Variants in SLCO6A1 observed in about 807,000 individuals in gnomAD.
The protein encoded by SLCO6A1 is solute carrier organic anion transporter family member 6A1.
In SLCO6A1, 65 loss-of-function variants were observed where a neutral mutation model predicts 72.7. That is an observed-to-expected ratio of 0.89 (90% CI 0.73 to 1.10). The LOEUF is 1.10. SLCO6A1 is among the 50% of genes least tolerant of loss of function. The pLI is 0.00. For synonymous variants in SLCO6A1, 314 were observed against 298.2 expected, an observed-to-expected ratio of 1.05 and a Z score of -0.55; for missense variants, 874 against 872.6, an observed-to-expected ratio of 1.00 and a Z score of -0.02.
chr5:102,465,907 C>T (rs1751285377), intron 4 of SLCO6A1, among the ~76,000 whole-genome samples: 1 of 151,996 alleles, frequency 6.6e-6, no homozygotes, highest in African/African-American at 2.4e-5. Flanking sequence ...CAAGTAAATC[C>T]CCTGGATTTC....
intron 4 of SLCO6A1, among the ~76,000 whole-genome samples, chr5:102,474,786 A>C (rs1751810930): frequency 6.6e-6 from 1 of 152,042 alleles, no homozygotes; most frequent in African/African-American, 2.4e-5. Flanking sequence ...AGGTATACAA[A>C]TGGTGAAGAA....
intron 12 of SLCO6A1, among the ~76,000 whole-genome samples, chr5:102,375,117 T>C (rs1745709119): frequency 2.0e-5 from 3 of 152,164 alleles, no homozygotes; most frequent in African/African-American, 2.4e-5. Flanking sequence ...TCATTTGGTC[T>C]AACAGGGCTG....
intron 1 of SLCO6A1, among the ~76,000 whole-genome samples, chr5:102,483,414 G>C (rs1320274964): frequency 6.6e-6 from 1 of 152,080 alleles, no homozygotes; most frequent in Non-Finnish European, 1.5e-5. Context: ...AAATCACAGA[G>C]GCTCACCAAA....
chr5:102,411,021 A>G (rs1432335424), intron 9 of SLCO6A1, among the ~76,000 whole-genome samples: 1 of 152,202 alleles, frequency 6.6e-6, no homozygotes, highest in African/African-American at 2.4e-5. Flanking sequence ...AAAGGATAGT[A>G]TTCGTCAATC....
At chr5:102,424,457 A>G (rs1748781202) in intron 7 of SLCO6A1, among the ~76,000 whole-genome samples, 1 of 152,066 alleles carries the variant, frequency 6.6e-6, no homozygotes, top group African/African-American at 2.4e-5. Flanking sequence ...TGATCTCACA[A>G]TAATACAAAC....
At chr5:102,498,304 A>T (rs56181501) in intron 1 of SLCO6A1, among the ~76,000 whole-genome samples, 183 bp downstream of exon 1, 13,047 of 152,222 alleles carry the variant, frequency 0.086, 641 homozygotes, top group African/African-American at 0.12. Flanking sequence ...GGCAAGGTAA[A>T]CCCACTGGGT....
chr5:102,479,573 C>T (rs1752081962), intron 2 of SLCO6A1, among the ~76,000 whole-genome samples: 1 of 152,098 alleles, frequency 6.6e-6, no homozygotes, highest in African/African-American at 2.4e-5. Context: ...GTATATAATC[C>T]ATTGATTCTG....
chr5:102,453,146 C>T (rs767457420), intron 6 of SLCO6A1, among the ~76,000 whole-genome samples: 2 of 151,982 alleles, frequency 1.3e-5, no homozygotes, highest in African/African-American at 2.4e-5. Flanking sequence ...AGATATCTCA[C>T]ATAAGCCCAG....
intron 10 of SLCO6A1, among the ~76,000 whole-genome samples, chr5:102,395,900 C>G (rs1279676431): frequency 6.6e-6 from 1 of 151,948 alleles, no homozygotes; most frequent in African/African-American, 2.4e-5. Context: ...TTGTTTTTTT[C>G]TTGTAAATTT....
chr5:102,421,239 C>A (rs1748583896), intron 7 of SLCO6A1, among the ~76,000 whole-genome samples: 1 of 151,562 alleles, frequency 6.6e-6, no homozygotes, highest in Admixed American at 6.6e-5. Flanking sequence ...TTTTTTCATA[C>A]CCCAGTGGCA....
At chr5:102,403,287 A>G (rs1256721183) in intron 9 of SLCO6A1, among the ~76,000 whole-genome samples, 1 of 152,168 alleles carries the variant, frequency 6.6e-6, no homozygotes, top group Non-Finnish European at 1.5e-5. Context: ...GGACATGATT[A>G]GTCTCTACAC....
intron 6 of SLCO6A1, among the ~76,000 whole-genome samples, chr5:102,440,891 C>G (rs1039951912): frequency 6.6e-6 from 1 of 152,130 alleles, no homozygotes; most frequent in Non-Finnish European, 1.5e-5. Context: ...AATTTCAAAT[C>G]TAATTGAAAC....
chr5:102,491,900 G>C (rs1752698718), intron 1 of SLCO6A1, among the ~76,000 whole-genome samples: 1 of 152,258 alleles, frequency 6.6e-6, no homozygotes, highest in Non-Finnish European at 1.5e-5. Context: ...CCAGCACGCT[G>C]TCACCTCTCA....
At chr5:102,452,487 A>G (rs1188360725) in intron 6 of SLCO6A1, among the ~76,000 whole-genome samples, 2 of 152,080 alleles carry the variant, frequency 1.3e-5, no homozygotes, top group African/African-American at 4.8e-5. Context: ...TTACATTTAT[A>G]ACTTTTAACC....
At chr5:102,466,604 C>T (rs562569250) in intron 4 of SLCO6A1, among the ~76,000 whole-genome samples, 4 of 152,226 alleles carry the variant, frequency 2.6e-5, no homozygotes, top group Admixed American at 2.0e-4. Context: ...ACCGCACTGT[C>T]TTCCACAATG....
intron 4 of SLCO6A1, among the ~76,000 whole-genome samples, chr5:102,462,598 C>T (rs1349402567): frequency 6.6e-6 from 1 of 152,164 alleles, no homozygotes; most frequent in Non-Finnish European, 1.5e-5. Flanking sequence ...TTGCAACCAA[C>T]TGAACTTTGA....
At chr5:102,477,337 TG>T (rs1751953530) in intron 3 of SLCO6A1, among the ~76,000 whole-genome samples, 1 of 152,092 alleles carries the variant, frequency 6.6e-6, no homozygotes, top group African/African-American at 2.4e-5. Flanking sequence ...TTGGCCAGGC[TG>T]GTTTTGAACT....
rs1746555752 is a variant in SLCO6A1 at position 102,388,694 on chromosome 5, C to T, written c.2011G>A (p.Gly671Arg). Residue 671 changes from glycine to arginine, a missense_variant, in exon 12 of 14, where the codon GGA (glycine) becomes AGA (arginine). Gly to Arg is a moderately radical substitution (Grantham distance 125). Coordinates refer to ENST00000506729, the MANE Select transcript of SLCO6A1 (RefSeq NM_173488.5). Reference sequence around the variant, plus strand: ...TTTAATAAGTATCACTTACATATTCCTACCAATAAGAAAGCCATTTTTGTC... The same window carrying T: ...TTTAATAAGTATCACTTACATATTCTTACCAATAAGAAAGCCATTTTTGTC... ...NKTKMAFLLVGICFLCKLCTI... is the reference protein window; with the variant it reads ...NKTKMAFLLVRICFLCKLCTI... The T allele has an allele frequency of 6.4e-7, 1 of 1,571,428 alleles. No homozygotes were observed. Among genetic ancestry groups the T allele is most frequent in the Non-Finnish European group, 8.6e-7 (1 of 1,161,384 alleles).
At chr5:102,423,843 T>C (rs4640764) in intron 7 of SLCO6A1, among the ~76,000 whole-genome samples, 98,391 of 152,010 alleles carry the variant, frequency 0.65, 32,043 homozygotes, top group African/African-American at 0.67. Flanking sequence ...CCACACAGCA[T>C]TTATTCTAAA....
Sources: gnomAD v4.1 joint callset for allele counts (sites outside exome capture counted in the v4.1 genomes callset) on GRCh38, gnomAD v4.1.1 for gene constraint, MANE v1.5 for transcripts, NCBI Gene and HGNC (gene_info 2026-07-23, HGNC 2026-07-21) for gene names.